The following USP14 variants were observed in gnomAD, a reference collection of about 807,000 sequenced individuals.
The protein encoded by USP14 is ubiquitin specific peptidase 14.
Under a neutral mutation model 76.5 loss-of-function variants are expected in USP14, and 38 were observed. The observed-to-expected ratio is 0.50, with a 90% CI of 0.38 to 0.65. USP14 has a LOEUF of 0.65. USP14 is among the 30% of genes least tolerant of loss of function. The probability of loss-of-function intolerance (pLI) is 0.00; values close to 1 mark genes in which losing one functional copy is unlikely to be tolerated. For synonymous variants in USP14, 192 were observed against 191.7 expected (o/e 1.00, Z -0.01); for missense variants, 467 against 586.5 (o/e 0.80, Z 2.10).
rs1910549288 is a variant in USP14 at position 207,040 on chromosome 18, GGT to G, written c.1164+2349_1164+2350del. Among the ~76,000 whole-genome samples, 9 of 106,258 alleles carry G rather than the reference GGT, an allele frequency of 8.5e-5. 1 individual carries two copies. The highest frequency in any genetic ancestry group is 2.0e-4 in the East Asian group (1 of 5,102). 69.7% of individuals were successfully genotyped at this position (106,258 alleles called of 152,430 possible). On this transcript the variant is annotated intron_variant, in intron 13 of 15. Coordinates refer to ENST00000261601, the MANE Select transcript of USP14 (RefSeq NM_005151.4). The stretch of plus-strand genomic sequence containing the variant: ...TTCATTGTTTTGCATGTGAATATCT[GGT>G]TGTCTCAGCACCATTTTTTAAGAAG...
chr18:199,366 GAGTAAGCC>G, intron 10 of USP14, 50 bp downstream of exon 10: 1 of 1,341,306 alleles, frequency 7.5e-7, no homozygotes, highest in Non-Finnish European at 1.1e-6. Flanking sequence ...CCATGTTTGC[GAGTAAGCC>G]AAAGTCATTA....
chr18:192,246 T>G (rs1910110842), intron 5 of USP14, among the ~76,000 whole-genome samples: 1 of 152,256 alleles, frequency 6.6e-6, no homozygotes, highest in African/African-American at 2.4e-5. Context: ...TAATGAATAG[T>G]GTTGTTTCAC....
chr18:214,560 C>T lies in USP14; in HGVS notation c.*3276C>T. Reference sequence around the variant, plus strand: ...TTATTGTTTACCAAAACCAGTGGACCTCTTATCAAATGCTGCTTGGTAACA... The same window carrying T: ...TTATTGTTTACCAAAACCAGTGGACTTCTTATCAAATGCTGCTTGGTAACA... On this transcript the variant is annotated 3_prime_UTR_variant, in exon 16 of 16. Coordinates refer to ENST00000261601, the MANE Select transcript of USP14 (RefSeq NM_005151.4). The T allele has an allele frequency of 7.6e-7, 1 of 1,316,004 alleles. No homozygotes were observed. Among genetic ancestry groups the T allele is most frequent in the South Asian group, 1.4e-5 (1 of 73,324 alleles). 81.5% of individuals were successfully genotyped at this position (1,316,004 alleles called of 1,614,324 possible).
At chr18:192,711 G>C in intron 5 of USP14, 131 bp from the exon 6 acceptor site, 1 of 696,724 alleles carries the variant, frequency 1.4e-6, no homozygotes, top group Non-Finnish European at 2.3e-6. Flanking sequence ...GAGAAGAAAA[G>C]GAAAGGTGGG....
In USP14 at chr18:173,107, C is replaced by CT. The variant is rs1371505197; in HGVS notation, c.196-5811dup. 5.8e-3 allele frequency among the ~76,000 whole-genome samples: 823 copies of CT among 141,172 alleles called. 3 individuals carry two copies. The highest frequency in any genetic ancestry group is 0.021 in the Middle Eastern group (6 of 280). The allele number at this position is 141,172 out of a possible 152,430, so 92.6% of individuals were successfully genotyped here. On this transcript the variant is annotated intron_variant, in intron 3 of 15. Coordinates refer to ENST00000261601, the MANE Select transcript of USP14 (RefSeq NM_005151.4). ...TGTTACATTTAGATATATTGTCTGT[C>CT]TTTTTTTTTTTTTTTCTTTGAGACG...
At chr18:180,503 A>C (rs1909757463) in intron 5 of USP14, among the ~76,000 whole-genome samples, 164 bp downstream of exon 5, 1 of 152,202 alleles carries the variant, frequency 6.6e-6, no homozygotes, top group Non-Finnish European at 1.5e-5. Context: ...AGTTTGTGCA[A>C]CCATCACCAC....
At chr18:188,334 G>C (rs1315890916) in intron 5 of USP14, among the ~76,000 whole-genome samples, 1 of 151,952 alleles carries the variant, frequency 6.6e-6, no homozygotes, top group Non-Finnish European at 1.5e-5. Context: ...TTTCTCACTG[G>C]ATCTATTTGT....
Position 177,931 on chromosome 18 carries a change from T to TA in USP14, c.196-997dup, listed in dbSNP as rs1435893928. Among the ~76,000 whole-genome samples the TA allele has an allele frequency of 2.4e-4, 36 of 152,344 alleles. 1 individual carries two copies. Among genetic ancestry groups the TA allele is most frequent in the Admixed American group, 2.2e-3 (34 of 15,300 alleles). On this transcript the variant is annotated intron_variant, in intron 3 of 15. Transcript: ENST00000261601. Reference sequence around the variant, plus strand: ...TTTAGTAATAGAGAATTTAATGCTCTAAAAATATTTGTATTTAAATGTAAA... The same window carrying TA: ...TTTAGTAATAGAGAATTTAATGCTCTAAAAAATATTTGTATTTAAATGTAAA...
chr18:196,507 G>T, intron 6 of USP14, 130 bp from the exon 7 acceptor site: 1 of 1,030,036 alleles, frequency 9.7e-7, no homozygotes. Context: ...CTGGGCAACG[G>T]ACCAAGACTC....
At chr18:200,283 A>G (rs569088063) in intron 10 of USP14, among the ~76,000 whole-genome samples, 60 of 152,302 alleles carry the variant, frequency 3.9e-4, no homozygotes, top group Non-Finnish European at 7.8e-4. Flanking sequence ...GAGAGTAACT[A>G]TAGGGTTGTT....
At chr18:204,520 T>G in intron 12 of USP14, 44 bp from the exon 13 acceptor site, 1 of 1,420,528 alleles carries the variant, frequency 7.0e-7, no homozygotes, top group Non-Finnish European at 9.5e-7. Flanking sequence ...AATAAATATC[T>G]TTATAAATGT....
rs542813584 is a variant in USP14, at chr18:170,890, T to C, written c.195+4071T>C. Among the ~76,000 whole-genome samples, 56 of 151,146 alleles carry C rather than the reference T, an allele frequency of 3.7e-4. No individual in the cohort carries two copies. In the Middle Eastern group the frequency reaches 0.014, roughly 37 times the overall value. On this transcript the variant is annotated intron_variant, in intron 3 of 15. Coordinates refer to ENST00000261601, the MANE Select transcript of USP14 (RefSeq NM_005151.4). ...GATGTGGGGAGAGCATCAGGATAAA[T>C]AGCTAATGCATGCTGGGCTTAATAC...
chr18:190,896 G>A (rs1179715662), intron 5 of USP14, among the ~76,000 whole-genome samples: 1 of 151,772 alleles, frequency 6.6e-6, no homozygotes, highest in African/African-American at 2.4e-5. Context: ...CATGAATTAG[G>A]AATTACATTT....
intron 5 of USP14, among the ~76,000 whole-genome samples, chr18:187,220 C>G (rs1050223469): frequency 5.9e-5 from 9 of 151,972 alleles, no homozygotes; most frequent in Non-Finnish European, 1.2e-4. Context: ...ACACATTGAT[C>G]TTTTATCATA....
chr18:207,778 T>A (rs758219441), intron 13 of USP14, among the ~76,000 whole-genome samples: 2 of 152,264 alleles, frequency 1.3e-5, no homozygotes, highest in Non-Finnish European at 2.9e-5. Context: ...TAGTTTTCAG[T>A]GTACAAGCCT....
intron 2 of USP14, among the ~76,000 whole-genome samples, chr18:164,547 G>A (rs1909214744): frequency 6.6e-6 from 1 of 151,940 alleles, no homozygotes; most frequent in Admixed American, 6.6e-5. Context: ...TCCGCCTCCT[G>A]GGTTCAAGCG....
chr18:205,091 G>A (rs989471192), intron 13 of USP14, among the ~76,000 whole-genome samples: 6 of 152,046 alleles, frequency 3.9e-5, no homozygotes, highest in Admixed American at 6.5e-5. Context: ...GCTGAGGCTA[G>A]TCTCGAACTC....
intron 3 of USP14, among the ~76,000 whole-genome samples, chr18:175,761 A>G (rs542393325): frequency 6.6e-6 from 1 of 152,030 alleles, no homozygotes; most frequent in African/African-American, 2.4e-5. Context: ...GTTTGTATTA[A>G]TATTTTTTCT....
chr18:181,898 G>A (rs1032115917), intron 5 of USP14, among the ~76,000 whole-genome samples: 1 of 152,044 alleles, frequency 6.6e-6, no homozygotes, highest in African/African-American at 2.4e-5. Context: ...TTTTATGTAT[G>A]GTGGGAGGGA....
Sources: gnomAD v4.1 joint callset for allele counts (sites outside exome capture counted in the v4.1 genomes callset) on GRCh38, gnomAD v4.1.1 for gene constraint, MANE v1.5 for transcripts, NCBI Gene and HGNC (gene_info 2026-07-23, HGNC 2026-07-21) for gene names.